The following RANBP3L variants were observed in gnomAD, a reference collection of about 807,000 sequenced individuals.
The protein encoded by RANBP3L is RAN binding protein 3 like, also known as ran-binding protein 3-like.
A neutral mutation model predicts 67.2 loss-of-function variants in RANBP3L; 56 were observed. The ratio of observed to expected loss-of-function variants is 0.83; its 90% CI spans 0.67 to 1.04. The LOEUF is 1.04. RANBP3L is among the 50% of genes least tolerant of loss of function. The pLI, the probability that RANBP3L is intolerant of heterozygous loss-of-function variation, is 0.00. For missense variants in RANBP3L, 496 were observed against 535.5 expected, an observed-to-expected ratio of 0.93 and a Z score of 0.73; for synonymous variants, 164 against 181.4, an observed-to-expected ratio of 0.90 and a Z score of 0.77.
At chr5:36,282,695 G>A (rs898201393) in intron 1 of RANBP3L, among the ~76,000 whole-genome samples, 1 of 152,158 alleles carries the variant, frequency 6.6e-6, no homozygotes, top group Non-Finnish European at 1.5e-5. Context: ...CGGAGAACAA[G>A]TCTTTGGCAG....
chr5:36,254,223 A>G (rs1748804109), intron 11 of RANBP3L, among the ~76,000 whole-genome samples: 1 of 152,020 alleles, frequency 6.6e-6, no homozygotes, highest in Non-Finnish European at 1.5e-5. Context: ...GTGAAAAATC[A>G]TGGTGTAATA....
In RANBP3L at chr5:36,251,531, T is replaced by A. The variant is rs540333900; in HGVS notation, c.1168-32A>T. On this transcript the variant is annotated intron_variant, in intron 12 of 13. Coordinates refer to ENST00000296604, the MANE Select transcript of RANBP3L (RefSeq NM_145000.5). ...GAGGAACATTAAATTGTTAAGAAAA[T>A]CATTAATATGTTAGCTACATTTTAC... 1.2e-5 allele frequency: 18 copies of A among 1,512,696 alleles called. No homozygotes were observed. The East Asian group carries it at 4.1e-4, about 35-fold the overall frequency. 93.7% of individuals were successfully genotyped at this position (1,512,696 alleles called of 1,614,324 possible).
intron 11 of RANBP3L, 135 bp downstream of exon 11, chr5:36,255,335 G>T: frequency 2.5e-6 from 2 of 809,352 alleles, no homozygotes; most frequent in Non-Finnish European, 3.6e-6. Context: ...AGCTCCTATA[G>T]AAATATTTTC....
chr5:36,255,434 A>G lies in RANBP3L; in HGVS notation c.1024+36T>C. The G allele has an allele frequency of 5.0e-6, 8 of 1,594,490 alleles. 1 individual carries two copies. Among genetic ancestry groups the G allele is most frequent in the South Asian group, 2.3e-5 (2 of 88,158 alleles). ...TTATAAGTACACAGGAGAAATCCTG[A>G]CAAATTATGGCTTGCTTTACAAAAG... On this transcript the variant is annotated intron_variant, in intron 11 of 13. Transcript: ENST00000296604.
At chr5:36,294,672 G>T (rs1752059327) in intron 1 of RANBP3L, among the ~76,000 whole-genome samples, 1 of 150,348 alleles carries the variant, frequency 6.7e-6, no homozygotes, top group South Asian at 2.1e-4. Context: ...ATGTCCTCAG[G>T]TTCATCCATG....
At chr5:36,265,249 C>T (rs556950118) in intron 5 of RANBP3L, 151 bp from the exon 6 acceptor site, 2 of 682,762 alleles carry the variant, frequency 2.9e-6, no homozygotes, top group East Asian at 2.9e-5. Context: ...CATTGAGTTC[C>T]CCAACATTCA....
At position 36,260,893 on chromosome 5, in the gene RANBP3L, T is replaced by C. The variant is rs1024536682; in HGVS notation, c.585-29A>G. ...AGAAAATGAAATAAGCATTTACTAT[T>C]TTAAATACATAGATAAAGCCATTTT... On this transcript the variant is annotated intron_variant, in intron 7 of 13. Coordinates refer to ENST00000296604, the MANE Select transcript of RANBP3L (RefSeq NM_145000.5). The C allele has an allele frequency of 7.5e-6, 7 of 931,472 alleles. No homozygotes were observed. In the African/African-American group the frequency reaches 1.2e-4, roughly 15 times the overall value. 57.7% of individuals were successfully genotyped at this position (931,472 alleles called of 1,614,324 possible). A position where few individuals can be genotyped will look rare whatever the true frequency, so the allele number is the denominator to read the frequency against.
At chr5:36,297,183 G>T (rs1752278431) in intron 1 of RANBP3L, among the ~76,000 whole-genome samples, 1 of 151,976 alleles carries the variant, frequency 6.6e-6, no homozygotes. Context: ...GTATTCTTAT[G>T]ATAAAATAAG....
intron 1 of RANBP3L, among the ~76,000 whole-genome samples, chr5:36,292,118 T>A (rs888865179): frequency 6.6e-6 from 1 of 151,756 alleles, no homozygotes; most frequent in African/African-American, 2.4e-5. Context: ...TGATATCTCA[T>A]TGTGGTTTTG....
intron 1 of RANBP3L, among the ~76,000 whole-genome samples, chr5:36,274,424 G>C (rs1414873683): frequency 1.3e-5 from 2 of 152,050 alleles, no homozygotes; most frequent in African/African-American, 4.8e-5. Context: ...TATTTAGACA[G>C]ACTTGTAGGA....
chr5:36,298,193 A>G (rs1212431560), intron 1 of RANBP3L, among the ~76,000 whole-genome samples: 4 of 151,776 alleles, frequency 2.6e-5, no homozygotes, highest in Admixed American at 2.6e-4. Context: ...CGAGCTACTC[A>G]GGAGACGGAG....
At chr5:36,288,542 A>T (rs1454922569) in intron 1 of RANBP3L, among the ~76,000 whole-genome samples, 1 of 152,158 alleles carries the variant, frequency 6.6e-6, no homozygotes, top group Non-Finnish European at 1.5e-5. Context: ...GTTTAATTAT[A>T]TAAGAAACTG....
At position 36,260,798 on chromosome 5, in the gene RANBP3L, GT is replaced by G; in HGVS notation, c.650del (p.Asn217ThrfsTer3). ...SCSSNFVFGE[N>X]MVERVLGTQK... The stretch of plus-strand genomic sequence containing the variant: ...ATCTTACCAAAACTCTTTCTACCAT[GT>G]TTTCTCCAAAAACAAAATTGGAACT... On this transcript the variant is annotated frameshift_variant, in exon 8 of 14. Coordinates refer to ENST00000296604, the MANE Select transcript of RANBP3L (RefSeq NM_145000.5). LOFTEE classifies it high-confidence loss of function. 6.5e-7 allele frequency: 1 copy of G among 1,540,690 alleles called. No homozygotes were observed. Among genetic ancestry groups the G allele is most frequent in the Non-Finnish European group, 8.9e-7 (1 of 1,117,840 alleles).
intron 1 of RANBP3L, among the ~76,000 whole-genome samples, chr5:36,277,062 C>G (rs960595883): frequency 6.6e-6 from 1 of 152,240 alleles, no homozygotes; most frequent in African/African-American, 2.4e-5. Context: ...TGGCAACAAA[C>G]CCCTGCAGAG....
In RANBP3L at chr5:36,278,485, T is replaced by C. The variant is rs184311401; in HGVS notation, c.92-7174A>G. 2.4e-3 allele frequency among the ~76,000 whole-genome samples: 362 copies of C among 152,206 alleles called. 6 individuals are homozygous for C. Among genetic ancestry groups the C allele is most frequent in the Admixed American group, 0.02 (313 of 15,276 alleles). ...TGCTAATACTTGATAAGCAGTCCTC[T>C]AGAGCACATTCAGATTTCTGTCAAC... On this transcript the variant is annotated intron_variant, in intron 1 of 13. Coordinates refer to ENST00000296604, the MANE Select transcript of RANBP3L (RefSeq NM_145000.5).
Position 36,251,312 on chromosome 5 carries a change from C to A in RANBP3L, c.1354+1G>T. On this transcript the variant is annotated splice_donor_variant, in intron 13 of 13. Coordinates refer to ENST00000296604, the MANE Select transcript of RANBP3L (RefSeq NM_145000.5). LOFTEE classifies it high-confidence loss of function. ...GAACTAACAAAACAAAAGCTATTTA[C>A]CTGATCCATTTTTAGTGACTTGGAT... is the stretch of plus-strand genomic sequence containing the variant. 6.2e-7 allele frequency: 1 copy of A among 1,609,812 alleles called. No individual in the cohort carries two copies. The highest frequency in any genetic ancestry group is 8.5e-7 in the Non-Finnish European group (1 of 1,177,452).
chr5:36,265,316 C>T (rs1749682836), intron 5 of RANBP3L, 133 bp downstream of exon 5: 6 of 691,438 alleles, frequency 8.7e-6, no homozygotes, highest in South Asian at 2.2e-5. Context: ...ACCTGGCTTA[C>T]TTGCATTATT....
At chr5:36,271,666 T>C (rs1020356110) in intron 1 of RANBP3L, among the ~76,000 whole-genome samples, 18 of 152,196 alleles carry the variant, frequency 1.2e-4, no homozygotes, top group Admixed American at 3.9e-4. Flanking sequence ...TTTCAATGAG[T>C]GAAAAATCTA....
chr5:36,291,907 T>C (rs1751811480), intron 1 of RANBP3L, among the ~76,000 whole-genome samples: 1 of 135,832 alleles, frequency 7.4e-6, no homozygotes, highest in East Asian at 2.0e-4. Context: ...GTCCTTTGGG[T>C]ATATACCCAG....
Sources: allele counts gnomAD v4.1 joint callset (sites outside exome capture counted in the v4.1 genomes callset), GRCh38; gene constraint gnomAD v4.1.1; transcripts MANE v1.5; gene names NCBI Gene and HGNC (gene_info 2026-07-23, HGNC 2026-07-21).